The following ZYG11B variants were observed in gnomAD, a reference collection of about 807,000 sequenced individuals.
ZYG11B encodes the protein protein zyg-11 homolog B.
A neutral mutation model predicts 82.4 loss-of-function variants in ZYG11B; 36 were observed. The ratio of observed to expected loss-of-function variants is 0.44; its 90% CI spans 0.33 to 0.58. The LOEUF (loss-of-function observed/expected upper bound fraction) is 0.58, where lower values mean the gene tolerates loss of function less well. Among genes scored for constraint, ZYG11B ranks in the 20% least tolerant of loss-of-function variants. The pLI, the probability that ZYG11B is intolerant of heterozygous loss-of-function variation, is 0.02. For missense variants in ZYG11B, 552 were observed against 895.6 expected, an observed-to-expected ratio of 0.62 and a Z score of 4.90; for synonymous variants, 303 against 312.8, an observed-to-expected ratio of 0.97 and a Z score of 0.33.
intron 1 of ZYG11B, 150 bp from the exon 2 acceptor site, chr1:52,756,308 T>A: frequency 1.6e-6 from 1 of 643,858 alleles, no homozygotes; most frequent in Non-Finnish European, 2.6e-6. Context: ...GATCACAGAT[T>A]GTATTCCACT....
At chr1:52,787,865 T>A (rs1464625170) in intron 5 of ZYG11B, among the ~76,000 whole-genome samples, 2 of 152,116 alleles carry the variant, frequency 1.3e-5, no homozygotes, top group African/African-American at 2.4e-5. Context: ...TATTTTGAAA[T>A]TTTTTTAGCT....
chr1:52,818,573 C>T (rs372178489), intron 13 of ZYG11B, among the ~76,000 whole-genome samples: 4 of 151,886 alleles, frequency 2.6e-5, no homozygotes, highest in African/African-American at 9.7e-5. Context: ...AAGTAAAAAG[C>T]GACATGGTTC....
chr1:52,806,940 C>G (rs1195622148), intron 10 of ZYG11B, among the ~76,000 whole-genome samples: 3 of 151,816 alleles, frequency 2.0e-5, no homozygotes, highest in African/African-American at 7.3e-5. Flanking sequence ...GTGATCTCAG[C>G]TCGCTGCAAC....
intron 3 of ZYG11B, 76 bp from the exon 4 acceptor site, chr1:52,779,777 A>G (rs2149944203): frequency 6.4e-7 from 1 of 1,569,368 alleles, no homozygotes. Flanking sequence ...GGCGTGAGCC[A>G]CCGCGCCTGG....
intron 6 of ZYG11B, among the ~76,000 whole-genome samples, chr1:52,794,686 G>C (rs1353404050): frequency 6.6e-6 from 1 of 152,082 alleles, no homozygotes; most frequent in Non-Finnish European, 1.5e-5. Context: ...CACCTCAAAG[G>C]CAGTGATATT....
intron 6 of ZYG11B, among the ~76,000 whole-genome samples, chr1:52,794,890 C>G (rs1644995372): frequency 6.6e-6 from 1 of 152,188 alleles, no homozygotes; most frequent in Admixed American, 6.5e-5. Flanking sequence ...AGTGATTTCT[C>G]TCCTGAATTA....
chr1:52,772,780 C>T (rs1318588405), intron 3 of ZYG11B: 17 of 564,134 alleles, frequency 3.0e-5, no homozygotes, highest in Non-Finnish European at 5.1e-5. Context: ...CGGGTTCACG[C>T]CATTCTTCTG....
At chr1:52,797,468 T>TATGATATATGATATATAATATAATAA in intron 8 of ZYG11B, among the ~76,000 whole-genome samples, 1 of 110,562 alleles carries the variant, frequency 9.0e-6, no homozygotes. Context: ...ATGATATATA[T>TATGATATATGATATATAATATAATAA]ATTATATATG....
chr1:52,810,237 G>C (rs1645171756), intron 10 of ZYG11B, among the ~76,000 whole-genome samples: 1 of 152,048 alleles, frequency 6.6e-6, no homozygotes. Flanking sequence ...CATACTGGGT[G>C]ATGAGAATAT....
intron 2 of ZYG11B, among the ~76,000 whole-genome samples, chr1:52,761,970 G>C (rs1401991205): frequency 6.6e-6 from 1 of 152,038 alleles, no homozygotes; most frequent in Non-Finnish European, 1.5e-5. Flanking sequence ...GTCTTCTTTT[G>C]AGAAATATCT....
intron 13 of ZYG11B, 82 bp downstream of exon 13, chr1:52,816,711 T>TA: frequency 9.4e-7 from 1 of 1,063,976 alleles, no homozygotes; most frequent in East Asian, 2.4e-5. Context: ...CTAAATTGTG[T>TA]ATTAAAGTGA....
rs199872380 is a variant in ZYG11B at position 52,771,303 on chromosome 1, G to C, written c.480G>C (p.Arg160=). 1 of 1,614,184 alleles carries C rather than the reference G, an allele frequency of 6.2e-7. No homozygotes were observed. The highest frequency in any genetic ancestry group is 2.2e-5 in the East Asian group (1 of 44,890). ...LEDPYERCFS[R]LSGLRALSIT... ...ATCCTTACGAGCGCTGCTTCAGCCGGCTTTCTGGCCTTCGAGCTTTAAGCA... is the reference window on the plus strand; with the variant it reads ...ATCCTTACGAGCGCTGCTTCAGCCGCCTTTCTGGCCTTCGAGCTTTAAGCA... Residue 160 remains arginine, a synonymous_variant, in exon 3 of 14, where the codon CGG becomes CGC. Transcript: ENST00000294353. This position sits in a 1 kb window ranked among gnomAD's most constrained non-coding sequence, Gnocchi z 5.4.
intron 13 of ZYG11B, among the ~76,000 whole-genome samples, chr1:52,819,944 T>C (rs890583022): frequency 6.6e-6 from 1 of 151,210 alleles, no homozygotes; most frequent in South Asian, 2.1e-4. Context: ...TGAGACGGAG[T>C]CTTGCTGTCG....
At chr1:52,770,588 T>A (rs1389035006) in intron 2 of ZYG11B, among the ~76,000 whole-genome samples, 4 of 152,048 alleles carry the variant, frequency 2.6e-5, no homozygotes, top group African/African-American at 9.7e-5. Context: ...ATAACTATAC[T>A]CTCTAGAACG....
At chr1:52,801,520 AAAAT>A (rs1255539281) in intron 8 of ZYG11B, among the ~76,000 whole-genome samples, 2 of 131,104 alleles carry the variant, frequency 1.5e-5, no homozygotes, top group African/African-American at 6.6e-5. Flanking sequence ...TCTAGAATCT[AAAAT>A]AAGTATATGC....
chr1:52,765,796 C>T (rs1644678133), intron 2 of ZYG11B, among the ~76,000 whole-genome samples: 2 of 152,120 alleles, frequency 1.3e-5, no homozygotes, highest in African/African-American at 4.8e-5. Flanking sequence ...AGCCACTGTG[C>T]CTGCTCATTA....
intron 13 of ZYG11B, 126 bp downstream of exon 13, chr1:52,816,755 T>A (rs553081642): frequency 3.2e-6 from 2 of 633,376 alleles, no homozygotes; most frequent in East Asian, 3.1e-5. Context: ...TGTAAGGCCA[T>A]CTTAGGTTAT....
chr1:52,743,815 CTGA>C (rs1382812020), intron 1 of ZYG11B, among the ~76,000 whole-genome samples: 2 of 152,160 alleles, frequency 1.3e-5, no homozygotes, highest in African/African-American at 4.8e-5. Flanking sequence ...TTCACTATCA[CTGA>C]TTCAACTGAT....
At position 52,822,666 on chromosome 1, in the gene ZYG11B, A is replaced by G. The variant is rs1241170110; in HGVS notation, c.*1037A>G. On this transcript the variant is annotated 3_prime_UTR_variant, in exon 14 of 14. Coordinates refer to ENST00000294353, the MANE Select transcript of ZYG11B (RefSeq NM_024646.3). Reference sequence around the variant, plus strand: ...TGTATCTTCTTAATGTGTTCATGTTAGAGAAAGTGTCCCCATCTCACTGCC... The same window carrying G: ...TGTATCTTCTTAATGTGTTCATGTTGGAGAAAGTGTCCCCATCTCACTGCC... The G allele has an allele frequency of 6.6e-6, 1 of 152,218 alleles. No homozygotes were observed. Among genetic ancestry groups the G allele is most frequent in the African/African-American group, 2.4e-5 (1 of 41,448 alleles). 9.4% of individuals were successfully genotyped at this position (152,218 alleles called of 1,614,324 possible).
Sources: gnomAD v4.1 joint callset for allele counts (sites outside exome capture counted in the v4.1 genomes callset) on GRCh38, gnomAD v4.1.1 for gene constraint, Gnocchi (gnomAD v3.1) non-coding constraint, MANE v1.5 for transcripts, NCBI Gene and HGNC (gene_info 2026-07-23, HGNC 2026-07-21) for gene names.